Variants in SH3BGRL observed in about 807,000 individuals in gnomAD.
SH3BGRL encodes the protein adapter SH3BGRL.
In SH3BGRL, 7 loss-of-function variants were observed where a neutral mutation model predicts 9.8. The ratio of observed to expected loss-of-function variants is 0.72; its 90% CI spans 0.41 to 1.35. SH3BGRL has a LOEUF of 1.35. Among genes scored for constraint, SH3BGRL ranks in the 40% most tolerant of loss-of-function variants. SH3BGRL has a pLI of 0.01. For synonymous variants in SH3BGRL, 36 were observed against 29.1 expected (o/e 1.24, Z -0.76); for missense variants, 73 against 84.4 (o/e 0.86, Z 0.53).
At chrX:81,280,408 C>T (rs758681930) in intron 3 of SH3BGRL, among the ~76,000 whole-genome samples, 78 of 111,856 alleles carry the variant, frequency 7.0e-4, no homozygotes, top group Non-Finnish European at 1.4e-3. Flanking sequence ...AGGACCCTCA[C>T]GGAGTCCATT....
chrX:81,267,212 T>A (rs1206963756), intron 1 of SH3BGRL, among the ~76,000 whole-genome samples: 1 of 111,816 alleles, frequency 8.9e-6, no homozygotes, highest in Non-Finnish European at 1.9e-5. Flanking sequence ...TTCTCTTGCC[T>A]GATTGCCCTG....
intron 1 of SH3BGRL, chrX:81,255,633 C>T (rs188550736): frequency 8.9e-6 from 1 of 112,280 alleles, no homozygotes; most frequent in East Asian, 2.8e-4. Flanking sequence ...CATTTGAGGG[C>T]TTGCTTCACA....
chrX:81,228,294 G>A (rs936580781), intron 1 of SH3BGRL, among the ~76,000 whole-genome samples: 2 of 111,711 alleles, frequency 1.8e-5, no homozygotes, highest in African/African-American at 6.5e-5. Context: ...CATTGGTTCG[G>A]TCCAGAAAGG....
chrX:81,224,200 T>C (rs1175733289), intron 1 of SH3BGRL, among the ~76,000 whole-genome samples: 1 of 112,083 alleles, frequency 8.9e-6, no homozygotes, highest in Non-Finnish European at 1.9e-5. Context: ...TTTAGAACTC[T>C]ATACTTAATG....
chrX:81,212,309 G>T (rs1294570368), intron 1 of SH3BGRL, among the ~76,000 whole-genome samples: 1 of 111,491 alleles, frequency 9.0e-6, no homozygotes, highest in African/African-American at 3.3e-5. Context: ...GACAATCAGG[G>T]TTGTTGGTGG....
rs2075881437 is a variant in SH3BGRL at position 81,297,996 on chromosome X, T to A, written c.*769T>A. 8.9e-6 allele frequency: 1 copy of A among 112,045 alleles called. No homozygotes were observed. The highest frequency in any genetic ancestry group is 3.6e-4 in the South Asian group (1 of 2,740). 9.2% of individuals were successfully genotyped at this position (112,045 alleles called of 1,213,427 possible). ...ATGAAAGTGGGATGCCAAGTAAGCT[T>A]AAAATGGCATTCTCTAGCAAAGAGA... On this transcript the variant is annotated 3_prime_UTR_variant, in exon 4 of 4. Transcript: ENST00000373212.
At chrX:81,219,088 C>T (rs751752147) in intron 1 of SH3BGRL, among the ~76,000 whole-genome samples, 55 of 109,772 alleles carry the variant, frequency 5.0e-4, no homozygotes, top group Non-Finnish European at 9.2e-4. Context: ...GAGATCTAGA[C>T]ATCCAACTAC....
intron 3 of SH3BGRL, among the ~76,000 whole-genome samples, chrX:81,296,361 T>C (rs1318348120): frequency 4.5e-5 from 5 of 112,076 alleles, no homozygotes; most frequent in Non-Finnish European, 7.5e-5. Context: ...TATTTCGTTA[T>C]TTTTTTAAAG....
chrX:81,240,320 G>A (rs1433201188), intron 1 of SH3BGRL, among the ~76,000 whole-genome samples: 2 of 112,225 alleles, frequency 1.8e-5, no homozygotes, highest in Non-Finnish European at 3.8e-5. Context: ...TATTTTGCAT[G>A]TTTGTTTCTT....
intron 1 of SH3BGRL, among the ~76,000 whole-genome samples, chrX:81,246,860 G>A (rs979486011): frequency 3.6e-5 from 4 of 111,949 alleles, no homozygotes; most frequent in Non-Finnish European, 7.5e-5. Context: ...GTTATTTGTA[G>A]TTTGATAGCA....
intron 1 of SH3BGRL, among the ~76,000 whole-genome samples, chrX:81,242,959 A>T (rs935510275): frequency 1.8e-5 from 2 of 112,154 alleles, no homozygotes; most frequent in African/African-American, 6.5e-5. Flanking sequence ...TAGTACTACC[A>T]GTATGGAGAA....
chrX:81,229,632 C>T (rs1459155574), intron 1 of SH3BGRL, among the ~76,000 whole-genome samples: 1 of 111,562 alleles, frequency 9.0e-6, no homozygotes, highest in South Asian at 3.8e-4. Flanking sequence ...AACTCCATGT[C>T]GTTCTGCTGG....
intron 1 of SH3BGRL, chrX:81,202,784 C>A: frequency 8.3e-6 from 1 of 121,172 alleles, no homozygotes; most frequent in Non-Finnish European, 1.6e-5. Context: ...TTAACTTGAG[C>A]TTGAAGGCCT....
intron 1 of SH3BGRL, among the ~76,000 whole-genome samples, chrX:81,233,275 T>A (rs1237261250): frequency 8.9e-6 from 1 of 112,146 alleles, no homozygotes; most frequent in African/African-American, 3.2e-5. Flanking sequence ...AGTGCAAGAC[T>A]TATTTATTCA....
intron 1 of SH3BGRL, among the ~76,000 whole-genome samples, chrX:81,224,886 T>A (rs748890544): frequency 9.0e-6 from 1 of 110,752 alleles, no homozygotes; most frequent in South Asian, 3.9e-4. Context: ...CACTTTTTTT[T>A]TTCCCCCTAA....
At chrX:81,231,050 G>T (rs746759325) in intron 1 of SH3BGRL, among the ~76,000 whole-genome samples, 1 of 112,447 alleles carries the variant, frequency 8.9e-6, no homozygotes, top group Non-Finnish European at 1.9e-5. Context: ...ATGTTCACAA[G>T]TTGGTGGTCT....
chrX:81,204,777 G>T (rs2075540850), intron 1 of SH3BGRL, among the ~76,000 whole-genome samples: 1 of 111,754 alleles, frequency 8.9e-6, no homozygotes, highest in Admixed American at 9.4e-5. Flanking sequence ...AGCAGAGATC[G>T]CACCACTGCA....
intron 1 of SH3BGRL, among the ~76,000 whole-genome samples, chrX:81,225,821 C>T (rs1230930775): frequency 9.0e-6 from 1 of 111,524 alleles, no homozygotes; most frequent in Non-Finnish European, 1.9e-5. Context: ...AAATCCCAGT[C>T]CTCTGAAAGA....
At chrX:81,227,731 A>T (rs1381816038) in intron 1 of SH3BGRL, among the ~76,000 whole-genome samples, 2 of 112,279 alleles carry the variant, frequency 1.8e-5, no homozygotes, top group Non-Finnish European at 3.8e-5. Context: ...ATATAATTTT[A>T]TCTATTTTTA....
Sources: gnomAD v4.1 joint callset for allele counts (sites outside exome capture counted in the v4.1 genomes callset) on GRCh38, gnomAD v4.1.1 for gene constraint, MANE v1.5 for transcripts, NCBI Gene and HGNC (gene_info 2026-07-23, HGNC 2026-07-21) for gene names.